Variants in CNTN5 observed in about 807,000 individuals in gnomAD.
CNTN5 encodes contactin 5.
Under a neutral mutation model 129.1 loss-of-function variants are expected in CNTN5, and 77 were observed. That is an observed-to-expected ratio of 0.60 (90% CI 0.50 to 0.72). The LOEUF is 0.72. CNTN5 is among the 30% of genes least tolerant of loss of function. The pLI is 0.00. For synonymous variants in CNTN5, 509 were observed against 465.6 expected (o/e 1.09, Z -1.20); for missense variants, 1,478 against 1,328.8 (o/e 1.11, Z -1.75).
intron 1 of CNTN5, among the ~76,000 whole-genome samples, chr11:99,136,533 C>A (rs913972541): frequency 1.3e-5 from 2 of 152,148 alleles, no homozygotes; most frequent in Non-Finnish European, 2.9e-5. Flanking sequence ...TTCCTCTACT[C>A]CTGCCATCTT....
At chr11:99,660,617 A>G (rs1952561218) in intron 3 of CNTN5, among the ~76,000 whole-genome samples, 1 of 152,160 alleles carries the variant, frequency 6.6e-6, no homozygotes, top group Non-Finnish European at 1.5e-5. Context: ...TTAAGGATTT[A>G]TGTATTTTTG....
intron 3 of CNTN5, among the ~76,000 whole-genome samples, chr11:99,787,092 T>C (rs933022111): frequency 2.6e-4 from 1 of 3,850 alleles, no homozygotes; most frequent in Non-Finnish European, 5.9e-4. Context: ...AACTACATGT[T>C]TTTTTTTTGT....
At chr11:100,289,242 C>T (rs1183152752) in intron 18 of CNTN5, among the ~76,000 whole-genome samples, 2 of 152,110 alleles carry the variant, frequency 1.3e-5, no homozygotes, top group Non-Finnish European at 2.9e-5. Context: ...AGAGGGAATC[C>T]TCCCTAACTC....
intron 7 of CNTN5, among the ~76,000 whole-genome samples, chr11:99,956,160 C>G (rs1305153259): frequency 6.6e-6 from 1 of 151,506 alleles, no homozygotes; most frequent in Non-Finnish European, 1.5e-5. Flanking sequence ...TTGGTGGAAG[C>G]TTATGAAGTA....
At chr11:99,433,405 T>G (rs61892056) in intron 2 of CNTN5, among the ~76,000 whole-genome samples, 2,769 of 147,864 alleles carry the variant, frequency 0.019, 105 homozygotes, top group African/African-American at 0.065. Flanking sequence ...GTGTGTGTCT[T>G]TGTGTGTGTG....
intron 19 of CNTN5, among the ~76,000 whole-genome samples, chr11:100,298,185 T>TA (rs1253363445): frequency 2.6e-5 from 4 of 151,418 alleles, no homozygotes; most frequent in African/African-American, 9.7e-5. Flanking sequence ...AAATGCCTGT[T>TA]AGAGTAAATA....
chr11:99,967,639 G>A (rs905045097), intron 8 of CNTN5, among the ~76,000 whole-genome samples: 3 of 152,068 alleles, frequency 2.0e-5, no homozygotes, highest in African/African-American at 4.8e-5. Flanking sequence ...TGTATGAGGC[G>A]CTTGCGTTCC....
intron 6 of CNTN5, among the ~76,000 whole-genome samples, chr11:99,858,404 T>A (rs1466500399): frequency 6.6e-6 from 1 of 152,022 alleles, no homozygotes; most frequent in East Asian, 1.9e-4. Context: ...AATAAAAAAT[T>A]GTATAATGTC....
At chr11:99,095,443 A>G (rs185652224) in intron 1 of CNTN5, among the ~76,000 whole-genome samples, 17 of 152,122 alleles carry the variant, frequency 1.1e-4, no homozygotes, top group African/African-American at 3.6e-4. Flanking sequence ...AAATCATTAT[A>G]AATATATACT....
intron 13 of CNTN5, among the ~76,000 whole-genome samples, chr11:100,131,086 G>A (rs1460616414): frequency 6.6e-6 from 1 of 152,028 alleles, no homozygotes; most frequent in Non-Finnish European, 1.5e-5. Flanking sequence ...TATCCTCGTG[G>A]CAATGGTAAG....
chr11:100,116,033 C>G (rs1337920804), intron 13 of CNTN5, among the ~76,000 whole-genome samples: 2 of 151,928 alleles, frequency 1.3e-5, no homozygotes, highest in Non-Finnish European at 2.9e-5. Context: ...GGAGAAGAAC[C>G]ACCTCTTCCT....
At chr11:99,848,181 G>T (rs572661513) in intron 6 of CNTN5, among the ~76,000 whole-genome samples, 3 of 152,178 alleles carry the variant, frequency 2.0e-5, no homozygotes, top group Admixed American at 6.5e-5. Flanking sequence ...CTGCACTCCA[G>T]CCTGGGCGAC....
At chr11:99,853,613 C>G (rs1305026808) in intron 6 of CNTN5, among the ~76,000 whole-genome samples, 1 of 152,052 alleles carries the variant, frequency 6.6e-6, no homozygotes, top group Non-Finnish European at 1.5e-5. Flanking sequence ...GTTGGTCAGC[C>G]TGGTCTGGAA....
At chr11:100,094,817 G>T (rs988978670) in intron 13 of CNTN5, among the ~76,000 whole-genome samples, 2 of 144,798 alleles carry the variant, frequency 1.4e-5, no homozygotes, top group African/African-American at 5.2e-5. Flanking sequence ...AGGAAGGAAG[G>T]AAATTAAAGG....
chr11:100,288,228 G>A (rs1044961707), intron 18 of CNTN5, among the ~76,000 whole-genome samples: 1 of 152,000 alleles, frequency 6.6e-6, no homozygotes, highest in African/African-American at 2.4e-5. Flanking sequence ...GGATACCCAG[G>A]AATTGAACTC....
Position 99,397,795 on chromosome 11 carries a change from A to G in CNTN5, c.-71+72311A>G, listed in dbSNP as rs1048833920. On this transcript the variant is annotated intron_variant, in intron 2 of 24. Transcript: ENST00000524871. ...AGTCCTAAAATCAACCATTTCTCCAAGGATCCCTGGCTACTTTTATCAGAA... is the reference window on the plus strand; with the variant it reads ...AGTCCTAAAATCAACCATTTCTCCAGGGATCCCTGGCTACTTTTATCAGAA... Among the ~76,000 whole-genome samples, 3 of 151,764 alleles carry G rather than the reference A, an allele frequency of 2.0e-5. 1 individual carries two copies. The South Asian group carries it at 6.2e-4, about 31-fold the overall frequency.
At chr11:99,936,070 C>G (rs1591446630) in intron 7 of CNTN5, among the ~76,000 whole-genome samples, 1 of 152,270 alleles carries the variant, frequency 6.6e-6, no homozygotes, top group East Asian at 1.9e-4. Flanking sequence ...AAATCTATTT[C>G]AAGAAAGACA....
intron 13 of CNTN5, among the ~76,000 whole-genome samples, chr11:100,120,233 G>GT (rs1323619520): frequency 6.6e-6 from 1 of 151,916 alleles, no homozygotes; most frequent in Non-Finnish European, 1.5e-5. Context: ...TGGAATTTTT[G>GT]TAACAAGCAT....
chr11:99,817,257 T>C (rs1056247787), intron 3 of CNTN5, among the ~76,000 whole-genome samples: 5 of 152,346 alleles, frequency 3.3e-5, no homozygotes, highest in South Asian at 4.1e-4. Flanking sequence ...GCCACATTTC[T>C]AGTAACAGCT....
Sources: allele counts gnomAD v4.1 joint callset (sites outside exome capture counted in the v4.1 genomes callset), GRCh38; gene constraint gnomAD v4.1.1; transcripts MANE v1.5; gene names NCBI Gene and HGNC (gene_info 2026-07-23, HGNC 2026-07-21).